The following CELF2 variants were observed in gnomAD, a reference collection of about 807,000 sequenced individuals.
CELF2 encodes the protein CUGBP Elav-like family member 2.
In CELF2, 8 loss-of-function variants were observed where a neutral mutation model predicts 62.6. The observed-to-expected ratio is 0.13, with a 90% CI of 0.07 to 0.23. The LOEUF is 0.23. Ranked by LOEUF, CELF2 falls within the 10% of genes least tolerant of loss-of-function variation. The pLI, the probability that CELF2 is intolerant of heterozygous loss-of-function variation, is 1.00. For synonymous variants in CELF2, 258 were observed against 250.0 expected, an observed-to-expected ratio of 1.03 and a Z score of -0.30; for missense variants, 333 against 671.0, an observed-to-expected ratio of 0.50 and a Z score of 5.56.
chr10:11,006,922 C>T (rs1376219571), intron 1 of CELF2, among the ~76,000 whole-genome samples: 1 of 152,140 alleles, frequency 6.6e-6, no homozygotes, highest in Admixed American at 6.5e-5. Context: ...AAGCTTTCGA[C>T]AGAGAAAATG....
chr10:11,044,445 T>C (rs1010107382), intron 1 of CELF2, among the ~76,000 whole-genome samples: 2 of 152,226 alleles, frequency 1.3e-5, no homozygotes, highest in Non-Finnish European at 2.9e-5. Context: ...TTTAAATTTT[T>C]TTTTTACATC....
At chr10:11,051,963 A>G (rs1277217512) in intron 1 of CELF2, among the ~76,000 whole-genome samples, 1 of 149,618 alleles carries the variant, frequency 6.7e-6, no homozygotes, top group Non-Finnish European at 1.5e-5. Context: ...CGGTGGAGCA[A>G]TGTTGGCTCA....
At chr10:10,933,298 A>G (rs1489612323) in intron 2 of CELF2, among the ~76,000 whole-genome samples, 2 of 152,152 alleles carry the variant, frequency 1.3e-5, no homozygotes, top group Admixed American at 6.5e-5. Context: ...CTGAGACCAT[A>G]TATAAAAAAT....
the CELF2 span, among the ~76,000 whole-genome samples, chr10:10,687,280 G>A: frequency 1.3e-5 from 2 of 152,124 alleles, no homozygotes; most frequent in African/African-American, 4.8e-5. Context: ...CCTCAGATTT[G>A]CTACTGAAAT....
the CELF2 span, among the ~76,000 whole-genome samples, chr10:10,706,876 C>A: frequency 6.6e-6 from 1 of 152,298 alleles, no homozygotes; most frequent in East Asian, 1.9e-4. Flanking sequence ...AAAGATATTA[C>A]CATCTCTGTG....
Position 10,872,157 on chromosome 10 carries a change from A to G in CELF2, c.54-47807A>G, listed in dbSNP as rs570682665. Among the ~76,000 whole-genome samples, 6 of 152,170 alleles carry G rather than the reference A, an allele frequency of 3.9e-5. No individual in the cohort carries two copies. The East Asian group carries it at 9.7e-4, about 25-fold the overall frequency. ...TGGGTATTTGCAAACTATGTAGACTATGGTTGGAATCTTTTTGGCAAGTAC... is the reference window on the plus strand; with the variant it reads ...TGGGTATTTGCAAACTATGTAGACTGTGGTTGGAATCTTTTTGGCAAGTAC... On this transcript the variant is annotated intron_variant, in intron 1 of 13. Coordinates refer to the CELF2 transcript ENST00000636488.
At chr10:10,539,893 T>A in the CELF2 span, among the ~76,000 whole-genome samples, 1 of 152,222 alleles carries the variant, frequency 6.6e-6, no homozygotes, top group African/African-American at 2.4e-5. Flanking sequence ...ATAGGGCATC[T>A]TTTCTAGATT....
the CELF2 span, among the ~76,000 whole-genome samples, chr10:10,465,025 A>G: frequency 9.9e-5 from 15 of 152,130 alleles, no homozygotes; most frequent in African/African-American, 3.6e-4. Context: ...AAGGATTTTC[A>G]CCTTCTACTT....
the CELF2 span, among the ~76,000 whole-genome samples, chr10:10,718,957 T>G: frequency 3.3e-5 from 5 of 151,578 alleles, no homozygotes; most frequent in African/African-American, 1.2e-4. Context: ...AAATAGTTAC[T>G]GGAAGCTTTA....
the CELF2 span, among the ~76,000 whole-genome samples, chr10:10,493,111 C>T: frequency 6.6e-6 from 1 of 152,138 alleles, no homozygotes; most frequent in Non-Finnish European, 1.5e-5. Flanking sequence ...AAAGGAAGGA[C>T]ATTCTGACAC....
intron 2 of CELF2, among the ~76,000 whole-genome samples, chr10:11,190,622 A>G (rs1352104845): frequency 6.6e-6 from 1 of 152,042 alleles, no homozygotes; most frequent in African/African-American, 2.4e-5. Flanking sequence ...CTTTTAAAAA[A>G]AAAAAAATTC....
the CELF2 span, among the ~76,000 whole-genome samples, chr10:10,495,541 T>A: frequency 6.6e-6 from 1 of 152,132 alleles, no homozygotes; most frequent in African/African-American, 2.4e-5. Flanking sequence ...CACACTTTCA[T>A]CCCTGTCCTC....
At chr10:10,546,082 A>G in the CELF2 span, among the ~76,000 whole-genome samples, 1 of 152,246 alleles carries the variant, frequency 6.6e-6, no homozygotes, top group East Asian at 1.9e-4. Flanking sequence ...AAATCTGACA[A>G]GCACTTAAAA....
Position 11,297,374 on chromosome 10 carries a change from G to A in CELF2, c.976+8822G>A, listed in dbSNP as rs2093304821. 6.6e-6 allele frequency among the ~76,000 whole-genome samples: 1 copy of A among 152,192 alleles called. No homozygotes were observed. Among genetic ancestry groups the A allele is most frequent in the Non-Finnish European group, 1.5e-5 (1 of 68,028 alleles). On this transcript the variant is annotated intron_variant, in intron 9 of 12. Transcript: ENST00000633077. The surrounding 1 kb of genome is among the most constrained non-coding windows in gnomAD (Gnocchi z 4.4). ...TGCCCTAAGCCCGGGGAGGGGTGAG[G>A]TCATCAGGCCAAAATCACCAGCAAG... is the stretch of plus-strand genomic sequence containing the variant.
Position 11,227,442 on chromosome 10 carries a change from G to A in CELF2, c.354+9935G>A, listed in dbSNP as rs2067012774. Among the ~76,000 whole-genome samples the A allele has an allele frequency of 6.6e-6, 1 of 152,200 alleles. No homozygotes were observed. Among genetic ancestry groups the A allele is most frequent in the Admixed American group, 6.5e-5 (1 of 15,278 alleles). ...CTGCTGCTCTCCGCATCACAGCAAAGTCAAGGCAAAGGAGGATGGGTGCCA... is the reference window on the plus strand; with the variant it reads ...CTGCTGCTCTCCGCATCACAGCAAAATCAAGGCAAAGGAGGATGGGTGCCA... On this transcript the variant is annotated intron_variant, in intron 3 of 12. Transcript: ENST00000633077. This position sits in a 1 kb window ranked among gnomAD's most constrained non-coding sequence, Gnocchi z 4.8.
the CELF2 span, among the ~76,000 whole-genome samples, chr10:10,589,387 T>A: frequency 6.6e-6 from 1 of 152,236 alleles, no homozygotes. Context: ...TCTGTGTTGA[T>A]GTTAATGGTA....
chr10:10,986,438 A>G (rs1238663669), intron 2 of CELF2, among the ~76,000 whole-genome samples: 2 of 152,202 alleles, frequency 1.3e-5, no homozygotes, highest in Non-Finnish European at 2.9e-5. Flanking sequence ...GTGGGTTTTC[A>G]TATGAGATAA....
rs371921826 is a variant in CELF2 at position 11,122,989 on chromosome 10, C to T, written c.75-42497C>T. On this transcript the variant is annotated intron_variant, in intron 1 of 12. Transcript: ENST00000633077. ...CATGCAGCTGCAGGATCTGGGAGTACGGTTTATAGTTTGGAATATAAGTTC... is the reference window on the plus strand; with the variant it reads ...CATGCAGCTGCAGGATCTGGGAGTATGGTTTATAGTTTGGAATATAAGTTC... Among the ~76,000 whole-genome samples, 120 of 152,086 alleles carry T rather than the reference C, an allele frequency of 7.9e-4. No homozygotes were observed. The South Asian group carries it at 0.022, about 28-fold the overall frequency.
At chr10:11,107,096 C>G (rs936524550) in intron 1 of CELF2, among the ~76,000 whole-genome samples, 1 of 152,220 alleles carries the variant, frequency 6.6e-6, no homozygotes, top group Non-Finnish European at 1.5e-5. Context: ...AAGGGAGCTG[C>G]GTGGATACCG....
Sources: allele counts gnomAD v4.1 joint callset (sites outside exome capture counted in the v4.1 genomes callset), GRCh38; gene constraint gnomAD v4.1.1; non-coding constraint Gnocchi (gnomAD v3.1); transcripts MANE v1.5; gene names NCBI Gene and HGNC (gene_info 2026-07-23, HGNC 2026-07-21).